Variants in CERT1 observed in about 807,000 individuals in gnomAD.
CERT1 encodes ceramide transporter 1.
A neutral mutation model predicts 87.9 loss-of-function variants in CERT1; 31 were observed. The observed-to-expected ratio is 0.35, with a 90% CI of 0.27 to 0.48. CERT1 has a LOEUF of 0.48. CERT1 is among the 20% of genes least tolerant of loss of function. CERT1 has a pLI of 0.99. For missense variants in CERT1, 487 were observed against 758.0 expected (o/e 0.64, Z 4.20); for synonymous variants, 289 against 250.9 (o/e 1.15, Z -1.44).
chr5:75,511,063 G>C lies in CERT1; in HGVS notation c.96+49C>G, dbSNP rs5744538. 3,682 of 1,476,532 alleles carry C rather than the reference G, an allele frequency of 2.5e-3. 73 individuals are homozygous for C. In the African/African-American group the frequency reaches 0.044, roughly 18 times the overall value. 91.5% of individuals were successfully genotyped at this position (1,476,532 alleles called of 1,614,324 possible). On this transcript the variant is annotated intron_variant, in intron 1 of 16. Transcript: ENST00000643780. ...CCCCACCGCCTCAGCGGATTGCCTC[G>C]CTGCAGGTGAGTCTGGCCAGGGGTC...
upstream of CERT1, chr5:75,511,826 G>A (rs1248221222): frequency 6.4e-7 from 1 of 1,551,152 alleles, no homozygotes; most frequent in South Asian, 1.2e-5. Context: ...GGCGGGGTAG[G>A]GATGCAGCTG....
intron 2 of CERT1, among the ~76,000 whole-genome samples, chr5:75,465,874 C>T (rs770647194): frequency 6.6e-6 from 1 of 152,114 alleles, no homozygotes; most frequent in Non-Finnish European, 1.5e-5. Flanking sequence ...AAGGACAGCG[C>T]AACATTCTGA....
chr5:75,420,887 A>G (rs1339278339), intron 5 of CERT1, among the ~76,000 whole-genome samples: 1 of 152,068 alleles, frequency 6.6e-6, no homozygotes, highest in African/African-American at 2.4e-5. Flanking sequence ...CAGTGGCACA[A>G]TCTCAGCTCA....
intron 3 of CERT1, among the ~76,000 whole-genome samples, chr5:75,445,169 T>C (rs891792709): frequency 6.6e-6 from 1 of 152,248 alleles, no homozygotes; most frequent in African/African-American, 2.4e-5. Flanking sequence ...TACAATACTA[T>C]TAGCTTTTAG....
intron 2 of CERT1, among the ~76,000 whole-genome samples, chr5:75,490,013 G>A (rs183375275): frequency 6.6e-5 from 10 of 152,300 alleles, no homozygotes; most frequent in Non-Finnish European, 8.8e-5. Context: ...ATACTATGCA[G>A]CCATAAAAAA....
intron 3 of CERT1, among the ~76,000 whole-genome samples, chr5:75,445,415 T>C (rs1356002167): frequency 3.9e-5 from 6 of 152,220 alleles, no homozygotes; most frequent in Non-Finnish European, 8.8e-5. Context: ...GCAAAGCTAA[T>C]TCCCTTAGCT....
intron 7 of CERT1, among the ~76,000 whole-genome samples, chr5:75,414,283 T>C (rs1255228930): frequency 4.6e-5 from 7 of 152,182 alleles, no homozygotes; most frequent in African/African-American, 1.7e-4. Context: ...GAAGGAACCT[T>C]CTAGGGTGCT....
At chr5:75,382,128 A>G in intron 14 of CERT1, 51 bp from the exon 15 acceptor site, 1 of 1,555,098 alleles carries the variant, frequency 6.4e-7, no homozygotes, top group South Asian at 1.2e-5. Flanking sequence ...TGGAACTAAC[A>G]AGAGAAACGT....
At chr5:75,380,713 G>C (rs1761537279) in intron 16 of CERT1, among the ~76,000 whole-genome samples, 1 of 150,440 alleles carries the variant, frequency 6.6e-6, no homozygotes, top group Non-Finnish European at 1.5e-5. Flanking sequence ...AGGAGGCGGA[G>C]GCTGCAGTGA....
intron 2 of CERT1, among the ~76,000 whole-genome samples, chr5:75,459,992 TGG>T (rs1765160196): frequency 7.3e-6 from 1 of 137,904 alleles, no homozygotes; most frequent in Admixed American, 7.4e-5. Context: ...AAAAAAAAGA[TGG>T]AGCCTTGCTA....
In CERT1 at chr5:75,455,375, G is replaced by A. The variant is rs142702678; in HGVS notation, c.348+3690C>T. Among the ~76,000 whole-genome samples the A allele has an allele frequency of 1.2e-3, 189 of 152,240 alleles. 2 individuals are homozygous for A. In the East Asian group the frequency reaches 0.032, roughly 26 times the overall value. ...GCTTTCCAAGAGTTTGTAGAATCCC[G>A]AAGCACAGATTTTTATGCTACAGGA... is the stretch of plus-strand genomic sequence containing the variant. On this transcript the variant is annotated intron_variant, in intron 3 of 16. Coordinates refer to ENST00000643780, the MANE Select transcript of CERT1 (RefSeq NM_001379029.1).
chr5:75,376,229 T>C (rs1425674453), downstream of CERT1: 2 of 152,232 alleles, frequency 1.3e-5, no homozygotes, highest in Admixed American at 6.5e-5. Flanking sequence ...TCAAATATAA[T>C]TGAGAGCATG....
intron 11 of CERT1, among the ~76,000 whole-genome samples, chr5:75,396,427 T>C (rs1762256199): frequency 6.6e-6 from 1 of 152,150 alleles, no homozygotes. Context: ...TGTATATTTG[T>C]GTATTAAGAA....
intron 2 of CERT1, among the ~76,000 whole-genome samples, chr5:75,474,679 C>T (rs748304931): frequency 3.3e-5 from 5 of 152,050 alleles, no homozygotes; most frequent in Non-Finnish European, 5.9e-5. Flanking sequence ...AACTGGATAT[C>T]CACATGCAGA....
intron 2 of CERT1, among the ~76,000 whole-genome samples, chr5:75,502,383 T>A (rs923325938): frequency 1.3e-5 from 2 of 152,146 alleles, no homozygotes; most frequent in African/African-American, 4.8e-5. Context: ...GAAGGAGTAT[T>A]TGACAATAAC....
At chr5:75,449,469 T>C (rs755648988) in intron 3 of CERT1, among the ~76,000 whole-genome samples, 9 of 152,222 alleles carry the variant, frequency 5.9e-5, no homozygotes, top group Admixed American at 2.6e-4. Flanking sequence ...CAAGGGAATA[T>C]AGGTTGGCCT....
At chr5:75,449,707 G>GTT (rs1268855181) in intron 3 of CERT1, among the ~76,000 whole-genome samples, 2 of 143,288 alleles carry the variant, frequency 1.4e-5, no homozygotes, top group African/African-American at 2.5e-5. Context: ...TGGTGGTGGT[G>GTT]TTTTTTTTTT....
At chr5:75,470,296 C>G (rs1405689008) in intron 2 of CERT1, among the ~76,000 whole-genome samples, 1 of 152,068 alleles carries the variant, frequency 6.6e-6, no homozygotes, top group Non-Finnish European at 1.5e-5. Context: ...TATGTTAGAC[C>G]ACAAAACAAA....
chr5:75,431,912 T>C (rs1258912781), intron 3 of CERT1, among the ~76,000 whole-genome samples: 1 of 152,224 alleles, frequency 6.6e-6, no homozygotes, highest in Admixed American at 6.5e-5. Flanking sequence ...GAATGATTTA[T>C]ATTCCTATGG....
Sources: allele counts gnomAD v4.1 joint callset (sites outside exome capture counted in the v4.1 genomes callset), GRCh38; gene constraint gnomAD v4.1.1; transcripts MANE v1.5; gene names NCBI Gene and HGNC (gene_info 2026-07-23, HGNC 2026-07-21).